The following MYO1B variants were observed in gnomAD, a reference collection of about 807,000 sequenced individuals.
The protein encoded by MYO1B is myosin IB.
In MYO1B, 72 loss-of-function variants were observed where a neutral mutation model predicts 159.7. The observed-to-expected ratio is 0.45, with a 90% CI of 0.37 to 0.55. The LOEUF (loss-of-function observed/expected upper bound fraction) is 0.55, where lower values mean the gene tolerates loss of function less well. Among genes scored for constraint, MYO1B ranks in the 20% least tolerant of loss-of-function variants. The pLI is 0.00. For missense variants in MYO1B, 1,062 were observed against 1,364.8 expected, an observed-to-expected ratio of 0.78 and a Z score of 3.50; for synonymous variants, 468 against 473.8, an observed-to-expected ratio of 0.99 and a Z score of 0.16.
intron 27 of MYO1B, among the ~76,000 whole-genome samples, chr2:191,412,636 C>T (rs573042354): frequency 2.0e-5 from 3 of 152,198 alleles, no homozygotes; most frequent in African/African-American, 4.8e-5. Flanking sequence ...CCTTATCCTC[C>T]ACCCACAACA....
intron 4 of MYO1B, among the ~76,000 whole-genome samples, chr2:191,336,924 G>A (rs1323125052): frequency 7.5e-6 from 1 of 132,658 alleles, no homozygotes; most frequent in Non-Finnish European, 1.7e-5. Flanking sequence ...ACGAATAAAT[G>A]TATGGCCCTC....
intron 1 of MYO1B, among the ~76,000 whole-genome samples, chr2:191,249,924 C>T (rs143487567): frequency 1.3e-5 from 2 of 152,146 alleles, no homozygotes; most frequent in Non-Finnish European, 2.9e-5. Context: ...TTCCAACTTA[C>T]CATAAGCAGC....
chr2:191,352,517 A>G (rs905121013), intron 7 of MYO1B, among the ~76,000 whole-genome samples: 6 of 152,206 alleles, frequency 3.9e-5, no homozygotes, highest in Admixed American at 1.3e-4. Flanking sequence ...TCTAAGCACA[A>G]ATGTCTTCTT....
intron 3 of MYO1B, among the ~76,000 whole-genome samples, chr2:191,317,636 A>G (rs1263423893): frequency 1.3e-5 from 2 of 151,710 alleles, no homozygotes; most frequent in East Asian, 1.9e-4. Context: ...CCTTCCCTCC[A>G]CCCCACATTT....
At position 191,345,468 on chromosome 2, in the gene MYO1B, A is replaced by G. The variant is rs565705478; in HGVS notation, c.452-768A>G. On this transcript the variant is annotated intron_variant, in intron 5 of 30. Coordinates refer to ENST00000392318, the MANE Select transcript of MYO1B (RefSeq NM_001130158.3). ...ATGACTCCGTGCTGTTCCCTGTGTT[A>G]AACAAGAGCACTGTGTGTCTGGACC... Among the ~76,000 whole-genome samples the G allele has an allele frequency of 5.9e-5, 9 of 152,332 alleles. No homozygotes were observed. The East Asian group carries it at 1.7e-3, about 29-fold the overall frequency.
intron 3 of MYO1B, among the ~76,000 whole-genome samples, chr2:191,309,341 G>A (rs1199498454): frequency 6.6e-6 from 1 of 151,982 alleles, no homozygotes; most frequent in Non-Finnish European, 1.5e-5. Context: ...TTGTGCGTGT[G>A]CCAGGCCACT....
At chr2:191,374,676 A>G (rs1159174067) in intron 13 of MYO1B, among the ~76,000 whole-genome samples, 1 of 152,236 alleles carries the variant, frequency 6.6e-6, no homozygotes, top group Admixed American at 6.5e-5. Context: ...TGGAAAATAG[A>G]TCAGTAGAAC....
intron 3 of MYO1B, among the ~76,000 whole-genome samples, chr2:191,298,147 C>T (rs1574368370): frequency 2.0e-5 from 3 of 152,006 alleles, no homozygotes; most frequent in South Asian, 2.1e-4. Flanking sequence ...CAGCATGCAG[C>T]GATATATTTG....
intron 13 of MYO1B, among the ~76,000 whole-genome samples, chr2:191,374,138 A>G (rs1694552189): frequency 1.3e-5 from 2 of 152,204 alleles, no homozygotes; most frequent in East Asian, 3.8e-4. Flanking sequence ...CAATGTTAGA[A>G]CACATGGAGA....
intron 11 of MYO1B, among the ~76,000 whole-genome samples, chr2:191,365,175 G>A (rs1162632474): frequency 1.3e-5 from 2 of 152,194 alleles, no homozygotes; most frequent in African/African-American, 4.8e-5. Context: ...AACCCTTTGT[G>A]CTATGGCTTA....
intron 4 of MYO1B, among the ~76,000 whole-genome samples, chr2:191,337,404 C>A (rs1306215222): frequency 6.6e-6 from 1 of 152,132 alleles, no homozygotes; most frequent in Non-Finnish European, 1.5e-5. Context: ...ACTTTAAAAT[C>A]CTCACACATT....
chr2:191,265,760 C>G (rs1484834431), intron 1 of MYO1B, among the ~76,000 whole-genome samples: 1 of 152,184 alleles, frequency 6.6e-6, no homozygotes, highest in Non-Finnish European at 1.5e-5. Context: ...CCCTGTACAG[C>G]TGAGTTTGTG....
intron 1 of MYO1B, among the ~76,000 whole-genome samples, chr2:191,264,737 G>C (rs192046180): frequency 1.3e-5 from 2 of 151,528 alleles, no homozygotes; most frequent in Non-Finnish European, 2.9e-5. Flanking sequence ...AGAGATTCTT[G>C]TGGTCTGGCA....
intron 2 of MYO1B, among the ~76,000 whole-genome samples, chr2:191,280,613 G>A (rs1404727235): frequency 6.6e-6 from 1 of 152,196 alleles, no homozygotes; most frequent in East Asian, 1.9e-4. Context: ...ACCATTGACT[G>A]TGGCCCGGAG....
chr2:191,416,315 T>G, intron 30 of MYO1B, 73 bp downstream of exon 30: 1 of 1,547,844 alleles, frequency 6.5e-7, no homozygotes, highest in Non-Finnish European at 8.9e-7. Flanking sequence ...CTCGATCTCA[T>G]TCATTAATAC....
In MYO1B at chr2:191,400,468, G is replaced by A; in HGVS notation, c.2382G>A (p.Gln794=). Residue 794 remains glutamine (Q), a splice_region_variant and synonymous_variant, in exon 22 of 31, where the codon CAG becomes CAA. Coordinates refer to ENST00000392318, the MANE Select transcript of MYO1B (RefSeq NM_001130158.3). ...TTIAAYWHGT[Q]ARRELRRLKE... is the part of the protein sequence containing the mutation. ...TTGCTGCATATTGGCATGGGACCCAGGTAGGCCCGAGACCCCAAGGAAGGC... is the reference window on the plus strand; with the variant it reads ...TTGCTGCATATTGGCATGGGACCCAAGTAGGCCCGAGACCCCAAGGAAGGC... 2 of 1,614,162 alleles carry A rather than the reference G, an allele frequency of 1.2e-6. No individual in the cohort carries two copies. The highest frequency in any genetic ancestry group is 1.7e-6 in the Non-Finnish European group (2 of 1,180,034).
chr2:191,362,066 A>G (rs1693704126), intron 8 of MYO1B, among the ~76,000 whole-genome samples: 1 of 152,228 alleles, frequency 6.6e-6, no homozygotes, highest in African/African-American at 2.4e-5. Context: ...ATAAGTATAA[A>G]ACAGAGTTTG....
intron 18 of MYO1B, among the ~76,000 whole-genome samples, chr2:191,391,049 G>A (rs182016677): frequency 6.6e-6 from 1 of 152,376 alleles, no homozygotes; most frequent in East Asian, 1.9e-4. Flanking sequence ...GTCCCAGACA[G>A]AGTGCTGGAC....
intron 2 of MYO1B, among the ~76,000 whole-genome samples, chr2:191,280,804 C>T (rs1243719895): frequency 5.3e-5 from 8 of 152,126 alleles, no homozygotes; most frequent in Non-Finnish European, 1.0e-4. Context: ...AACTCCTCAC[C>T]GGTTTGGTAG....
Sources: gnomAD v4.1 joint callset for allele counts (sites outside exome capture counted in the v4.1 genomes callset) on GRCh38, gnomAD v4.1.1 for gene constraint, MANE v1.5 for transcripts, NCBI Gene and HGNC (gene_info 2026-07-23, HGNC 2026-07-21) for gene names.